The following KCNJ3 variants were observed in gnomAD, a reference collection of about 807,000 sequenced individuals.
KCNJ3 encodes potassium inwardly rectifying channel subfamily J member 3, also known as G protein-activated inward rectifier potassium channel 1.
A neutral mutation model predicts 39.2 loss-of-function variants in KCNJ3; 4 were observed. The ratio of observed to expected loss-of-function variants is 0.10; its 90% CI spans 0.05 to 0.23. The LOEUF (loss-of-function observed/expected upper bound fraction) is 0.23. KCNJ3 is among the 10% of genes least tolerant of loss of function. KCNJ3 has a pLI of 1.00. For synonymous variants in KCNJ3, 230 were observed against 237.4 expected (o/e 0.97, Z 0.29); for missense variants, 276 against 634.9 (o/e 0.43, Z 6.08).
chr2:154,825,437 G>A (rs1287464854), intron 2 of KCNJ3, among the ~76,000 whole-genome samples: 1 of 152,128 alleles, frequency 6.6e-6, no homozygotes, highest in East Asian at 1.9e-4. Context: ...ATGAGTGAAT[G>A]TTAATGATGT....
At chr2:154,775,042 G>A (rs910181130) in intron 2 of KCNJ3, among the ~76,000 whole-genome samples, 5 of 152,000 alleles carry the variant, frequency 3.3e-5, no homozygotes, top group South Asian at 2.1e-4. Flanking sequence ...TTAGCGTCTC[G>A]AATAGTTGGG....
At chr2:154,727,050 G>A (rs951675748) in intron 2 of KCNJ3, among the ~76,000 whole-genome samples, 28 of 151,952 alleles carry the variant, frequency 1.8e-4, no homozygotes, top group Non-Finnish European at 3.5e-4. Context: ...AAAAGACTAC[G>A]CATTGGTTAC....
chr2:154,776,291 C>T (rs941442425), intron 2 of KCNJ3, among the ~76,000 whole-genome samples: 4 of 152,008 alleles, frequency 2.6e-5, no homozygotes, highest in African/African-American at 7.2e-5. Flanking sequence ...CGTGAGCCAC[C>T]GCTCCCGGCC....
At chr2:154,809,327 G>A (rs1163066692) in intron 2 of KCNJ3, among the ~76,000 whole-genome samples, 1 of 152,146 alleles carries the variant, frequency 6.6e-6, no homozygotes, top group African/African-American at 2.4e-5. Flanking sequence ...TTCCATTAAT[G>A]CTGAGAGATT....
intron 2 of KCNJ3, among the ~76,000 whole-genome samples, chr2:154,825,290 G>T (rs1198583287): frequency 2.0e-5 from 3 of 152,060 alleles, no homozygotes; most frequent in African/African-American, 4.8e-5. Flanking sequence ...GCCTGTGATG[G>T]AATTATCAAA....
intron 2 of KCNJ3, among the ~76,000 whole-genome samples, chr2:154,838,341 A>G (rs1192973771): frequency 6.6e-6 from 1 of 152,194 alleles, no homozygotes; most frequent in East Asian, 1.9e-4. Flanking sequence ...GGAGGTGAAA[A>G]AGGCTGGCTC....
chr2:154,787,901 C>A (rs983971364), intron 2 of KCNJ3, among the ~76,000 whole-genome samples: 1 of 152,048 alleles, frequency 6.6e-6, no homozygotes, highest in African/African-American at 2.4e-5. Context: ...CCTTTTATGA[C>A]AATTATTTAA....
At chr2:154,793,662 C>T (rs374971058) in intron 2 of KCNJ3, among the ~76,000 whole-genome samples, 107 of 152,120 alleles carry the variant, frequency 7.0e-4, no homozygotes, top group African/African-American at 2.2e-3. Context: ...ATTTTAGTTT[C>T]GCCAAGTATT....
intron 2 of KCNJ3, among the ~76,000 whole-genome samples, chr2:154,713,431 T>G (rs894254001): frequency 6.6e-6 from 1 of 152,114 alleles, no homozygotes; most frequent in African/African-American, 2.4e-5. Flanking sequence ...GGTAAGAATC[T>G]TCTCATTTCA....
chr2:154,833,675 C>T (rs543751426), intron 2 of KCNJ3, among the ~76,000 whole-genome samples: 1 of 152,290 alleles, frequency 6.6e-6, no homozygotes, highest in South Asian at 2.1e-4. Flanking sequence ...CCCTAAAAAT[C>T]TCTGGTATTC....
chr2:154,825,814 G>A (rs1429113097), intron 2 of KCNJ3, among the ~76,000 whole-genome samples: 5 of 136,810 alleles, frequency 3.7e-5, no homozygotes, highest in Non-Finnish European at 6.5e-5. Flanking sequence ...ATGGGGCTTC[G>A]GTGATCCTCC....
chr2:154,833,735 T>C (rs1195135958), intron 2 of KCNJ3, among the ~76,000 whole-genome samples: 3 of 152,238 alleles, frequency 2.0e-5, no homozygotes, highest in African/African-American at 7.2e-5. Flanking sequence ...CACTGATCTT[T>C]CTACTCTTTC....
intron 2 of KCNJ3, among the ~76,000 whole-genome samples, chr2:154,781,813 G>C (rs1330409069): frequency 6.6e-6 from 1 of 152,162 alleles, no homozygotes; most frequent in African/African-American, 2.4e-5. Context: ...GAGTATATCT[G>C]TGACTTTTAA....
intron 2 of KCNJ3, among the ~76,000 whole-genome samples, chr2:154,832,137 T>C (rs562340059): frequency 1.3e-5 from 2 of 152,234 alleles, no homozygotes; most frequent in Admixed American, 6.5e-5. Flanking sequence ...TCATGAGCGA[T>C]CTGCCCCCAT....
Position 154,776,842 on chromosome 2 carries a change from C to T in KCNJ3, c.919+67023C>T, listed in dbSNP as rs375128368. Among the ~76,000 whole-genome samples, 58 of 151,906 alleles carry T rather than the reference C, an allele frequency of 3.8e-4. No homozygotes were observed. The East Asian group carries it at 0.01, about 27-fold the overall frequency. Reference sequence around the variant, plus strand: ...TTTGGTCTTTATTTTTACATTTCTTCGCAATCCATTGGCAATAAATAGAAA... The same window carrying T: ...TTTGGTCTTTATTTTTACATTTCTTTGCAATCCATTGGCAATAAATAGAAA... On this transcript the variant is annotated intron_variant, in intron 2 of 2. Coordinates refer to ENST00000295101, the MANE Select transcript of KCNJ3 (RefSeq NM_002239.4).
chr2:154,719,605 C>G (rs906858836), intron 2 of KCNJ3, among the ~76,000 whole-genome samples: 5 of 152,108 alleles, frequency 3.3e-5, no homozygotes, highest in African/African-American at 1.2e-4. Context: ...CTTGAAACTG[C>G]TACACACTCA....
At chr2:154,838,974 T>C (rs1372593958) in intron 2 of KCNJ3, among the ~76,000 whole-genome samples, 5 of 152,220 alleles carry the variant, frequency 3.3e-5, no homozygotes, top group African/African-American at 1.2e-4. Flanking sequence ...TACTTTAAGT[T>C]CTAGAGTACA....
intron 2 of KCNJ3, among the ~76,000 whole-genome samples, chr2:154,770,800 A>C (rs1453453554): frequency 6.6e-6 from 1 of 152,064 alleles, no homozygotes; most frequent in Non-Finnish European, 1.5e-5. Flanking sequence ...GTGCAAAAAG[A>C]ATTTGATTTA....
chr2:154,837,028 G>A (rs1293218776), intron 2 of KCNJ3, among the ~76,000 whole-genome samples: 1 of 152,108 alleles, frequency 6.6e-6, no homozygotes, highest in Non-Finnish European at 1.5e-5. Flanking sequence ...AGTTACACGA[G>A]GGATAGAAAT....
Sources: allele counts gnomAD v4.1 joint callset (sites outside exome capture counted in the v4.1 genomes callset), GRCh38; gene constraint gnomAD v4.1.1; transcripts MANE v1.5; gene names NCBI Gene and HGNC (gene_info 2026-07-23, HGNC 2026-07-21).